Variants in ZNF420 observed in about 807,000 individuals in gnomAD.
ZNF420 encodes ATM and p53-associated KZNF protein.
Under a neutral mutation model 44.7 loss-of-function variants are expected in ZNF420, and 31 were observed. The ratio of observed to expected loss-of-function variants is 0.69; its 90% confidence interval spans 0.52 to 0.94. ZNF420 has a LOEUF of 0.94. ZNF420 is among the 40% of genes least tolerant of loss of function. The pLI, the probability that ZNF420 is intolerant of heterozygous loss-of-function variation, is 0.00. For synonymous variants in ZNF420, 245 were observed against 267.4 expected (o/e 0.92, Z 0.82); for missense variants, 681 against 827.9 (o/e 0.82, Z 2.18).
chr19:37,070,225 A>T (rs1339313836), intron 1 of ZNF420, among the ~76,000 whole-genome samples: 1 of 152,158 alleles, frequency 6.6e-6, no homozygotes, highest in South Asian at 2.1e-4. Flanking sequence ...ATATGCACAC[A>T]TACATAACAC....
rs1971502989 is a variant in ZNF420 at position 37,128,749 on chromosome 19, C to G, written c.1758C>G (p.Pro586=). ...AGCGAATTCACACTGGAGAAAAACCCTATGAATGCAAGGAGTGTGGCAAGG... is the reference window on the plus strand; with the variant it reads ...AGCGAATTCACACTGGAGAAAAACCGTATGAATGCAAGGAGTGTGGCAAGG... The part of the protein sequence containing the change: ...QHQRIHTGEK[P]YECKECGKAF... The change falls in exon 5 of 5, where the codon CCC becomes CCG. Residue 586 remains proline, a synonymous_variant. Transcript: ENST00000337995. 3 of 1,612,580 alleles carry G rather than the reference C, an allele frequency of 1.9e-6. No homozygotes were observed. Among genetic ancestry groups the G allele is most frequent in the South Asian group, 1.1e-5 (1 of 91,014 alleles).
chr19:37,097,291 ATATATAT>A (rs144944375), intron 4 of ZNF420, among the ~76,000 whole-genome samples: 3,747 of 152,242 alleles, frequency 0.025, 91 homozygotes, highest in African/African-American at 0.058. Context: ...GCTAATACTG[ATATATAT>A]TATATATGAG....
At position 37,128,817 on chromosome 19, in the gene ZNF420, A is replaced by G. The variant is rs764045083; in HGVS notation, c.1826A>G (p.His609Arg). The G allele has an allele frequency of 6.2e-7, 1 of 1,613,962 alleles. No individual in the cohort carries two copies. Residue 609 changes from histidine (H) to arginine (R), a missense_variant, in exon 5 of 5, where the codon CAT becomes CGT. This residue lies in a region of ZNF420 where 280 missense variants were observed against 338.6 expected (regional missense o/e 0.83). Transcript: ENST00000337995. ...GSQLTLHQRI[H>R]TGEKPYECRE... ...CAGCTTACTCTACATCAGAGAATCC[A>G]TACTGGTGAGAAGCCCTATGAATGC...
At chr19:37,118,008 C>G (rs7257004) in intron 4 of ZNF420, among the ~76,000 whole-genome samples, 3,704 of 152,164 alleles carry the variant, frequency 0.024, 160 homozygotes, top group African/African-American at 0.083. Context: ...TGGTGTACCT[C>G]AAAGTGACAG....
At position 37,088,792 on chromosome 19, in the gene ZNF420, A is replaced by G. The variant is rs142034863; in HGVS notation, c.-80-247A>G. On this transcript the variant is annotated intron_variant, in intron 2 of 4. Coordinates refer to ENST00000337995, the MANE Select transcript of ZNF420 (RefSeq NM_144689.5). ...TTCATTATCTCCATTTTTGACATCT[A>G]TAGATGTGTCGTTATTACCTATGAG... Among the ~76,000 whole-genome samples, 401 of 152,336 alleles carry G rather than the reference A, an allele frequency of 2.6e-3. 3 individuals are homozygous for G. Among genetic ancestry groups the G allele is most frequent in the African/African-American group, 9.2e-3 (384 of 41,578 alleles).
chr19:37,107,367 AT>A (rs753713340), intron 4 of ZNF420: 17 of 152,198 alleles, frequency 1.1e-4, no homozygotes, highest in Non-Finnish European at 2.2e-4. Flanking sequence ...TTTAACAAGC[AT>A]ACTGCCTTCA....
At chr19:37,093,549 C>T (rs898660550) in intron 4 of ZNF420, among the ~76,000 whole-genome samples, 2 of 152,056 alleles carry the variant, frequency 1.3e-5, no homozygotes, top group Non-Finnish European at 2.9e-5. Flanking sequence ...AAAGATGGCA[C>T]GAAGCTATTC....
intron 1 of ZNF420, among the ~76,000 whole-genome samples, chr19:37,056,544 T>G (rs1967757647): frequency 6.6e-6 from 1 of 152,112 alleles, no homozygotes; most frequent in Admixed American, 6.5e-5. Context: ...CCCAGGGCTT[T>G]GGGAAGCAGG....
exon 1 of ZNF420, chr19:37,007,969 C>T (rs751568516): frequency 6.0e-6 from 1 of 166,888 alleles, no homozygotes; most frequent in Non-Finnish European, 1.3e-5. Flanking sequence ...AACGACAGGA[C>T]GTTCTCCGAA....
chr19:37,076,616 A>G (rs1046566801), upstream of ZNF420, among the ~76,000 whole-genome samples: 3 of 152,136 alleles, frequency 2.0e-5, no homozygotes, highest in East Asian at 5.8e-4. Context: ...GAGTGAGAAC[A>G]TGTGGTGTTT....
Position 37,105,992 on chromosome 19 carries a change from C to G in ZNF420, c.136+14871C>G, listed in dbSNP as rs574303339. ...TCATCTGCAAACAGGGACAATTTGA[C>G]TTCCTCTTTTCCTAATTGAATACCC... On this transcript the variant is annotated intron_variant, in intron 4 of 4. Coordinates refer to ENST00000337995, the MANE Select transcript of ZNF420 (RefSeq NM_144689.5). Among the ~76,000 whole-genome samples the G allele has an allele frequency of 4.4e-4, 67 of 152,284 alleles. 2 individuals carry two copies. The South Asian group carries it at 0.013, about 30-fold the overall frequency.
intron 4 of ZNF420, among the ~76,000 whole-genome samples, chr19:37,120,434 T>C (rs1970962136): frequency 6.6e-6 from 1 of 152,050 alleles, no homozygotes; most frequent in African/African-American, 2.4e-5. Context: ...CCCTTCATGC[T>C]AAAAACTCTC....
chr19:37,034,642 G>A (rs1967322037), intron 1 of ZNF420, among the ~76,000 whole-genome samples: 1 of 152,166 alleles, frequency 6.6e-6, no homozygotes, highest in South Asian at 2.1e-4. Context: ...TCTGTTAGAG[G>A]TAAATGTATT....
chr19:37,107,958 A>G (rs539960122), intron 4 of ZNF420, among the ~76,000 whole-genome samples: 14 of 152,164 alleles, frequency 9.2e-5, no homozygotes, highest in South Asian at 4.1e-4. Flanking sequence ...CAGACTCATT[A>G]TAAACTCCAG....
At chr19:37,073,107 G>A (rs1968085905) in intron 1 of ZNF420, among the ~76,000 whole-genome samples, 1 of 152,102 alleles carries the variant, frequency 6.6e-6, no homozygotes, top group African/African-American at 2.4e-5. Context: ...TACTTTGGGA[G>A]GCTGAGGGAG....
chr19:37,098,724 T>C (rs1469761066), intron 4 of ZNF420, among the ~76,000 whole-genome samples: 1 of 152,228 alleles, frequency 6.6e-6, no homozygotes, highest in African/African-American at 2.4e-5. Context: ...TCTAGCTATC[T>C]GCAGGCATTC....
At chr19:37,037,672 G>T (rs958782160) in intron 1 of ZNF420, among the ~76,000 whole-genome samples, 2 of 152,174 alleles carry the variant, frequency 1.3e-5, no homozygotes, top group Admixed American at 6.5e-5. Flanking sequence ...CTCTCAGAAG[G>T]TTCTGGCAGA....
chr19:37,045,432 G>A (rs1254447851), intron 1 of ZNF420, among the ~76,000 whole-genome samples: 1 of 152,224 alleles, frequency 6.6e-6, no homozygotes, highest in African/African-American at 2.4e-5. Context: ...GAAGGTTTAT[G>A]AAGGATGGGG....
chr19:37,089,312 C>T (rs1969002574), intron 3 of ZNF420, among the ~76,000 whole-genome samples, 185 bp downstream of exon 3: 1 of 152,142 alleles, frequency 6.6e-6, no homozygotes, highest in Admixed American at 6.5e-5. Flanking sequence ...AACCTTTAGT[C>T]ACATACTTAC....
Sources: allele counts gnomAD v4.1 joint callset (sites outside exome capture counted in the v4.1 genomes callset), GRCh38; gene constraint gnomAD v4.1.1; regional missense constraint gnomAD v4.1.1; transcripts MANE v1.5; gene names NCBI Gene and HGNC (gene_info 2026-07-23, HGNC 2026-07-21).